The following BAZ2B variants were observed in gnomAD, a reference collection of about 807,000 sequenced individuals.
The protein encoded by BAZ2B is bromodomain adjacent to zinc finger domain protein 2B.
Under a neutral mutation model 246.0 loss-of-function variants are expected in BAZ2B, and 91 were observed. That is an observed-to-expected ratio of 0.37 (90% CI 0.31 to 0.44). The LOEUF is 0.44. Ranked by LOEUF, BAZ2B falls within the 20% of genes least tolerant of loss-of-function variation. BAZ2B has a pLI of 1.00. For synonymous variants in BAZ2B, 855 were observed against 860.0 expected, an observed-to-expected ratio of 0.99 and a Z score of 0.10; for missense variants, 2,332 against 2,533.7, an observed-to-expected ratio of 0.92 and a Z score of 1.71.
chr2:159,445,881 G>A (rs543143064), intron 6 of BAZ2B, among the ~76,000 whole-genome samples: 2 of 152,302 alleles, frequency 1.3e-5, no homozygotes, highest in East Asian at 3.9e-4. Flanking sequence ...TTGGGAGGCT[G>A]AGGCGGTGGA....
At chr2:159,480,596 ACACT>A (rs2079124429) in intron 2 of BAZ2B, among the ~76,000 whole-genome samples, 1 of 152,096 alleles carries the variant, frequency 6.6e-6, no homozygotes, top group Non-Finnish European at 1.5e-5. Flanking sequence ...ACACACACAC[ACACT>A]CACAGATAAA....
intron 1 of BAZ2B, among the ~76,000 whole-genome samples, chr2:159,576,523 CAAAG>C (rs1237203792): frequency 8.5e-6 from 1 of 117,468 alleles, no homozygotes; most frequent in African/African-American, 3.6e-5. Context: ...ATCAGATTAT[CAAAG>C]GTTTAAAAAA....
intron 2 of BAZ2B, among the ~76,000 whole-genome samples, chr2:159,478,923 T>C (rs1272277654): frequency 6.6e-6 from 1 of 152,200 alleles, no homozygotes; most frequent in Non-Finnish European, 1.5e-5. Flanking sequence ...TACCAAATCC[T>C]CTTGAGTTTT....
At chr2:159,357,234 G>T (rs552829395) in intron 27 of BAZ2B, among the ~76,000 whole-genome samples, 1 of 152,010 alleles carries the variant, frequency 6.6e-6, no homozygotes, top group African/African-American at 2.4e-5. Flanking sequence ...CTTGAAAAAA[G>T]GTTAGAGGAA....
chr2:159,519,342 G>C (rs1178769671), intron 2 of BAZ2B, among the ~76,000 whole-genome samples: 2 of 141,686 alleles, frequency 1.4e-5, no homozygotes, highest in Non-Finnish European at 3.0e-5. Context: ...CCATTCTCCT[G>C]CCTCAGCCTC....
At chr2:159,408,930 T>C (rs1166073005) in intron 14 of BAZ2B, among the ~76,000 whole-genome samples, 1 of 148,448 alleles carries the variant, frequency 6.7e-6, no homozygotes, top group Non-Finnish European at 1.5e-5. Flanking sequence ...AAAATAAAAA[T>C]AAAGAAAAAA....
intron 14 of BAZ2B, among the ~76,000 whole-genome samples, chr2:159,407,088 T>A (rs1312168252): frequency 6.6e-6 from 1 of 151,956 alleles, no homozygotes; most frequent in African/African-American, 2.4e-5. Context: ...TGTTTAATGT[T>A]CACAGCTACT....
chr2:159,421,704 A>T (rs2068786341), intron 13 of BAZ2B, among the ~76,000 whole-genome samples: 2 of 152,156 alleles, frequency 1.3e-5, no homozygotes, highest in Non-Finnish European at 2.9e-5. Flanking sequence ...TTAAGCCCAG[A>T]AATATCTTGA....
the BAZ2B span, among the ~76,000 whole-genome samples, chr2:159,646,575 T>C: frequency 1.6e-4 from 25 of 152,298 alleles, no homozygotes; most frequent in East Asian, 3.9e-4. Flanking sequence ...TGTTCAGAGA[T>C]TGCAGTAAAG....
the BAZ2B span, among the ~76,000 whole-genome samples, chr2:159,707,217 C>A: frequency 1.3e-5 from 2 of 151,924 alleles, 1 homozygote; most frequent in Non-Finnish European, 2.9e-5. Context: ...CTACATTTGG[C>A]CCATGTACCA....
chr2:159,378,365 T>A (rs2061635843), intron 25 of BAZ2B, among the ~76,000 whole-genome samples: 1 of 152,214 alleles, frequency 6.6e-6, no homozygotes, highest in East Asian at 1.9e-4. Flanking sequence ...TTCAGATTGG[T>A]ACTCTTAAAA....
chr2:159,475,720 C>T (rs1194583320), intron 3 of BAZ2B, among the ~76,000 whole-genome samples: 1 of 152,118 alleles, frequency 6.6e-6, no homozygotes, highest in Admixed American at 6.6e-5. Context: ...ATGTTGTTGA[C>T]CTTTGGATGG....
At chr2:159,386,695 G>T in intron 21 of BAZ2B, 88 bp from the exon 22 acceptor site, 1 of 1,391,582 alleles carries the variant, frequency 7.2e-7, no homozygotes, top group Non-Finnish European at 9.5e-7. Flanking sequence ...AAAATAAGCT[G>T]CTACCTTTTT....
chr2:159,404,037 A>C (rs2065510844), intron 16 of BAZ2B, among the ~76,000 whole-genome samples: 1 of 152,056 alleles, frequency 6.6e-6, no homozygotes, highest in African/African-American at 2.4e-5. Flanking sequence ...ATCAAATCCA[A>C]CCCAAGCCAT....
At chr2:159,448,822 A>G (rs185882369) in intron 4 of BAZ2B, among the ~76,000 whole-genome samples, 82 of 152,330 alleles carry the variant, frequency 5.4e-4, no homozygotes, top group African/African-American at 1.8e-3. Context: ...ATTACATACA[A>G]TATAAATCTG....
chr2:159,523,568 G>C (rs1247043733), intron 2 of BAZ2B, among the ~76,000 whole-genome samples: 1 of 152,096 alleles, frequency 6.6e-6, no homozygotes, highest in East Asian at 1.9e-4. Context: ...GCCGGGCATG[G>C]TGGCGCATGC....
At chr2:159,540,825 A>G (rs566473934) in intron 2 of BAZ2B, among the ~76,000 whole-genome samples, 2 of 152,346 alleles carry the variant, frequency 1.3e-5, no homozygotes, top group South Asian at 4.1e-4. Context: ...AGAAGAAATC[A>G]TAAGAATAGA....
At chr2:159,398,145 C>T (rs375287814) in intron 18 of BAZ2B, 1 of 151,966 alleles carries the variant, frequency 6.6e-6, no homozygotes, top group Non-Finnish European at 1.5e-5. Flanking sequence ...ACTGTGGTGG[C>T]TGTTTCCAGT....
chr2:159,580,055 G>A (rs1686359264), intron 1 of BAZ2B, among the ~76,000 whole-genome samples: 1 of 152,184 alleles, frequency 6.6e-6, no homozygotes, highest in African/African-American at 2.4e-5. Context: ...CATAGTGTTG[G>A]AAGTTCTGGC....
Sources: gnomAD v4.1 joint callset for allele counts (sites outside exome capture counted in the v4.1 genomes callset) on GRCh38, gnomAD v4.1.1 for gene constraint, MANE v1.5 for transcripts, NCBI Gene and HGNC (gene_info 2026-07-23, HGNC 2026-07-21) for gene names.